CDH18: variants seen among roughly 807,000 people sequenced by gnomAD.
The protein encoded by CDH18 is cadherin 18, also known as cadherin-18.
In CDH18, 31 loss-of-function variants were observed where a neutral mutation model predicts 67.9. The ratio of observed to expected loss-of-function variants is 0.46; its 90% confidence interval spans 0.34 to 0.62. The LOEUF is 0.62. Ranked by LOEUF, CDH18 falls within the 20% of genes least tolerant of loss-of-function variation. CDH18 has a pLI of 0.01. For missense variants in CDH18, 890 were observed against 975.5 expected, an observed-to-expected ratio of 0.91 and a Z score of 1.17; for synonymous variants, 362 against 347.2, an observed-to-expected ratio of 1.04 and a Z score of -0.48.
chr5:19,669,769 G>A (rs975768267), intron 5 of CDH18, among the ~76,000 whole-genome samples: 1 of 152,120 alleles, frequency 6.6e-6, no homozygotes, highest in Admixed American at 6.6e-5. Context: ...CTTTACTCAT[G>A]TATTCATTAC....
chr5:20,407,188 A>C (rs772488410), intron 1 of CDH18, among the ~76,000 whole-genome samples: 10 of 152,158 alleles, frequency 6.6e-5, no homozygotes, highest in Admixed American at 2.0e-4. Flanking sequence ...TAGGTGAAAA[A>C]TCAAGCTTTC....
chr5:20,007,669 G>C (rs2150410354), intron 2 of CDH18, among the ~76,000 whole-genome samples: 1 of 127,864 alleles, frequency 7.8e-6, no homozygotes, highest in African/African-American at 3.4e-5. Flanking sequence ...GCAGTGTGTG[G>C]AAAGTGTGTG....
At chr5:20,094,571 G>A (rs1375373797) in intron 2 of CDH18, among the ~76,000 whole-genome samples, 6 of 152,122 alleles carry the variant, frequency 3.9e-5, no homozygotes, top group East Asian at 1.9e-4. Flanking sequence ...CGATTTTCAT[G>A]ATATTGATTC....
chr5:20,509,710 T>C (rs189708454), intron 1 of CDH18, among the ~76,000 whole-genome samples: 752 of 71,636 alleles, frequency 0.01, 3 homozygotes, highest in African/African-American at 0.033. Flanking sequence ...TGAGCCATCA[T>C]GCCCAGCCGA....
intron 1 of CDH18, among the ~76,000 whole-genome samples, chr5:20,563,510 T>C (rs1758334794): frequency 6.6e-6 from 1 of 152,156 alleles, no homozygotes; most frequent in African/African-American, 2.4e-5. Context: ...TGTGTGTTTT[T>C]TTAAATAAAT....
chr5:19,617,700 T>C (rs897940021), intron 5 of CDH18, among the ~76,000 whole-genome samples: 1 of 152,232 alleles, frequency 6.6e-6, no homozygotes, highest in Admixed American at 6.5e-5. Context: ...ATTACCTGTG[T>C]ATCATTTTGT....
rs76449995 is a variant in CDH18 at position 19,915,754 on chromosome 5, T to C, written c.-257+65306A>G. ...GCAACATAGATAGATGGATAGGTGT[T>C]TTTTTTTTCTTTTAATTTTCTTTTA... On this transcript the variant is annotated intron_variant, in intron 2 of 12. Coordinates refer to ENST00000382275, the MANE Select transcript of CDH18 (RefSeq NM_004934.5). Among the ~76,000 whole-genome samples, 8 of 151,094 alleles carry C rather than the reference T, an allele frequency of 5.3e-5. No homozygotes were observed. The South Asian group carries it at 1.7e-3, about 32-fold the overall frequency.
chr5:20,033,594 G>A (rs1320372247), intron 2 of CDH18, among the ~76,000 whole-genome samples: 1 of 152,020 alleles, frequency 6.6e-6, no homozygotes. Context: ...AATATGAAAA[G>A]TCAAATCTCT....
At chr5:20,131,039 AC>A (rs1409906698) in intron 2 of CDH18, among the ~76,000 whole-genome samples, 1 of 152,112 alleles carries the variant, frequency 6.6e-6, no homozygotes, top group Non-Finnish European at 1.5e-5. Flanking sequence ...TTACTTCAAA[AC>A]AAAAATCACT....
At chr5:19,870,377 G>C (rs1303604168) in intron 2 of CDH18, among the ~76,000 whole-genome samples, 1 of 152,046 alleles carries the variant, frequency 6.6e-6, no homozygotes, top group Non-Finnish European at 1.5e-5. Flanking sequence ...AGAAAAGATA[G>C]TTTTCTCTAG....
At chr5:20,162,784 C>A (rs899545039) in intron 2 of CDH18, among the ~76,000 whole-genome samples, 45 of 151,776 alleles carry the variant, frequency 3.0e-4, no homozygotes, top group African/African-American at 1.1e-3. Context: ...TTTGGCTGGG[C>A]ACAGTGGCTC....
At chr5:20,053,741 G>T (rs1306572959) in intron 2 of CDH18, among the ~76,000 whole-genome samples, 1 of 152,012 alleles carries the variant, frequency 6.6e-6, no homozygotes, top group Non-Finnish European at 1.5e-5. Flanking sequence ...GAATATTTTG[G>T]TTTCTACTCT....
intron 2 of CDH18, among the ~76,000 whole-genome samples, chr5:20,075,495 C>T (rs1478018900): frequency 6.6e-6 from 1 of 150,644 alleles, no homozygotes; most frequent in Non-Finnish European, 1.5e-5. Flanking sequence ...GAGATAGACT[C>T]TGCCTCAAAA....
intron 2 of CDH18, among the ~76,000 whole-genome samples, chr5:19,973,879 G>A (rs61193020): frequency 0.029 from 4,445 of 152,096 alleles, 243 homozygotes; most frequent in East Asian, 0.22. Context: ...TTCATATTGG[G>A]ATCCTTGGAA....
At chr5:20,570,716 C>A (rs981731876) in intron 1 of CDH18, among the ~76,000 whole-genome samples, 6 of 152,108 alleles carry the variant, frequency 3.9e-5, no homozygotes, top group Admixed American at 2.6e-4. Context: ...GTACATGACT[C>A]AAGACAGAGT....
intron 2 of CDH18, among the ~76,000 whole-genome samples, chr5:20,018,442 A>C (rs1738086039): frequency 6.6e-6 from 1 of 152,220 alleles, no homozygotes; most frequent in African/African-American, 2.4e-5. Context: ...CATGTGAAGC[A>C]TTACCACTTA....
At chr5:20,544,077 T>C (rs973985058) in intron 1 of CDH18, among the ~76,000 whole-genome samples, 1 of 152,184 alleles carries the variant, frequency 6.6e-6, no homozygotes, top group Admixed American at 6.5e-5. Context: ...ATTAACTGTG[T>C]GCAAAACTTT....
chr5:20,437,793 A>G (rs1749285061), intron 1 of CDH18, among the ~76,000 whole-genome samples: 1 of 151,410 alleles, frequency 6.6e-6, no homozygotes, highest in Non-Finnish European at 1.5e-5. Flanking sequence ...TGAAACAAAT[A>G]ATAGCCTTAC....
rs564563201 is a variant in CDH18 at position 20,100,065 on chromosome 5, G to A, written c.-517-108051C>T. On this transcript the variant is annotated intron_variant, in intron 2 of 14. Transcript: ENST00000507958. Reference sequence around the variant, plus strand: ...CCTCCTAAAGTGCTGGGATTACAGGGTGAGCCACCATGCCCGGTTTCTAAT... The same window carrying A: ...CCTCCTAAAGTGCTGGGATTACAGGATGAGCCACCATGCCCGGTTTCTAAT... Among the ~76,000 whole-genome samples the A allele has an allele frequency of 2.6e-5, 4 of 152,136 alleles. No individual in the cohort carries two copies. In the South Asian group the frequency reaches 6.2e-4, roughly 24 times the overall value.
Sources: allele counts gnomAD v4.1 joint callset (sites outside exome capture counted in the v4.1 genomes callset), GRCh38; gene constraint gnomAD v4.1.1; transcripts MANE v1.5; gene names NCBI Gene and HGNC (gene_info 2026-07-23, HGNC 2026-07-21).